The following TTC13 variants were observed in gnomAD, a reference collection of about 807,000 sequenced individuals.
TTC13 encodes the protein tetratricopeptide repeat domain 13.
In TTC13, 62 loss-of-function variants were observed where a neutral mutation model predicts 120.0. That is an observed-to-expected ratio of 0.52 (90% CI 0.42 to 0.64). TTC13 has a LOEUF of 0.64. Ranked by LOEUF, TTC13 falls within the 30% of genes least tolerant of loss-of-function variation. The probability of loss-of-function intolerance (pLI) is 0.00; values close to 1 mark genes in which losing one functional copy is unlikely to be tolerated. For missense variants in TTC13, 824 were observed against 1,050.2 expected (o/e 0.78, Z 2.98); for synonymous variants, 384 against 393.5 (o/e 0.98, Z 0.28).
chr1:230,958,332 T>C (rs1371244941), intron 2 of TTC13, 33 bp from the exon 3 acceptor site: 1 of 1,564,268 alleles, frequency 6.4e-7, no homozygotes, highest in Non-Finnish European at 8.6e-7. Flanking sequence ...CCATACATTT[T>C]AGCTATCACA....
In TTC13 at chr1:230,944,942, A is replaced by T. The variant is rs1212045858; in HGVS notation, c.579+447T>A. On this transcript the variant is annotated intron_variant, in intron 5 of 22. Transcript: ENST00000366661. This position sits in a 1 kb window ranked among gnomAD's most constrained non-coding sequence, Gnocchi z 4.0. ...TTCTCCAGCCTTCCTCAGAGAAATA[A>T]GGGGAATAATTTGATTACAGCTACA... Among the ~76,000 whole-genome samples the T allele has an allele frequency of 6.6e-6, 1 of 152,224 alleles. No individual in the cohort carries two copies. The highest frequency in any genetic ancestry group is 1.9e-4 in the East Asian group (1 of 5,204).
intron 1 of TTC13, among the ~76,000 whole-genome samples, chr1:230,968,303 C>CAGAT (rs1221699173): frequency 4.0e-5 from 2 of 50,478 alleles, no homozygotes; most frequent in Non-Finnish European, 7.7e-5. Flanking sequence ...TGCACACTGA[C>CAGAT]CTCCAGAACT....
At chr1:230,919,262 CAA>C (rs928916505) in intron 17 of TTC13, among the ~76,000 whole-genome samples, 9 of 134,794 alleles carry the variant, frequency 6.7e-5, no homozygotes, top group Admixed American at 7.5e-5. Flanking sequence ...GACCCTGTCT[CAA>C]AAAAAAAAAA....
Position 230,931,409 on chromosome 1 carries a change from C to T in TTC13, c.1189G>A (p.Ala397Thr). ...ATCCCTTCATAAAACTGTCCCATGG[C>T]AACATGGCTGAGCCCTTTCATATAC... ...CQYMKGLSHV[A>T]MGQFYEGIKA... Residue 397 changes from alanine (A) to threonine (T), a missense_variant, in exon 11 of 23, where the codon GCC becomes ACC. Physicochemically the swap from Ala to Thr is moderately conservative, Grantham distance 58. Coordinates refer to ENST00000366661, the MANE Select transcript of TTC13 (RefSeq NM_024525.5). The T allele has an allele frequency of 6.2e-7, 1 of 1,614,206 alleles. No individual in the cohort carries two copies. The highest frequency in any genetic ancestry group is 8.5e-7 in the Non-Finnish European group (1 of 1,180,036).
rs779631485 is a variant in TTC13 at position 230,931,329 on chromosome 1, G to A, written c.1269C>T (p.Ser423=). Residue 423 remains serine, a synonymous_variant, in exon 11 of 23, where the codon AGC becomes AGT. Coordinates refer to ENST00000366661, the MANE Select transcript of TTC13 (RefSeq NM_024525.5). ...LNDPLPGQKA[S]PEYLKVKYLR... ...GATACTTTACTTTAAGATACTCAGG[G>A]CTAGCCTTCTGGCCTGGGAGAGGAT... is the stretch of plus-strand genomic sequence containing the variant. 4 of 1,613,954 alleles carry A rather than the reference G, an allele frequency of 2.5e-6. No homozygotes were observed. In the African/African-American group the frequency reaches 4.0e-5, roughly 16 times the overall value.
intron 4 of TTC13, among the ~76,000 whole-genome samples, chr1:230,953,373 C>T (rs1434367120): frequency 5.3e-5 from 8 of 152,148 alleles, no homozygotes; most frequent in African/African-American, 1.9e-4. Context: ...ATTAAGTCTG[C>T]CTGCTAGACT....
rs1558196785 is a variant in TTC13, at chr1:230,942,590, A to T, written c.672+1216T>A. 6.6e-6 allele frequency among the ~76,000 whole-genome samples: 1 copy of T among 152,176 alleles called. No homozygotes were observed. The highest frequency in any genetic ancestry group is 2.4e-5 in the African/African-American group (1 of 41,438). On this transcript the variant is annotated intron_variant, in intron 6 of 22. Transcript: ENST00000366661. This position sits in a 1 kb window ranked among gnomAD's most constrained non-coding sequence, Gnocchi z 4.0. Reference sequence around the variant, plus strand: ...CTTCCAAAAGAGAAAATAAAAAGTAATTTTTTCTTTAGTTCAACTATGAGA... The same window carrying T: ...CTTCCAAAAGAGAAAATAAAAAGTATTTTTTTCTTTAGTTCAACTATGAGA...
chr1:230,951,989 C>T (rs1176281022), intron 4 of TTC13, among the ~76,000 whole-genome samples: 3 of 152,172 alleles, frequency 2.0e-5, no homozygotes, highest in African/African-American at 7.2e-5. Context: ...AGACTGCGTG[C>T]ATCAATTTCA....
rs978437797 is a variant in TTC13, at chr1:230,921,009, T to C, written c.1898+412A>G. On this transcript the variant is annotated intron_variant, in intron 16 of 22. Transcript: ENST00000366661. ...AAATGAAAGTATTCTGCTAGGTTTT[T>C]CCACCGATTTTATATTTACTTGGTG... is the stretch of plus-strand genomic sequence containing the variant. Among the ~76,000 whole-genome samples the C allele has an allele frequency of 1.1e-4, 16 of 152,252 alleles. 1 individual carries two copies. Among genetic ancestry groups the C allele is most frequent in the African/African-American group, 3.9e-4 (16 of 41,472 alleles).
chr1:230,913,713 C>G (rs1023836955), intron 18 of TTC13, among the ~76,000 whole-genome samples: 3 of 152,202 alleles, frequency 2.0e-5, no homozygotes, highest in African/African-American at 7.2e-5. Context: ...AAAAAGGAAT[C>G]TAATTTGGAC....
chr1:230,924,821 T>G lies in TTC13; in HGVS notation c.1721+20A>C. ...ACAATGATAAGACTTATAGTTTATT[T>G]TCACTGAGATGTTAGTTACCTTCTC... On this transcript the variant is annotated intron_variant, in intron 14 of 22. Transcript: ENST00000366661. 6.2e-7 allele frequency: 1 copy of G among 1,614,020 alleles called. No homozygotes were observed. Among genetic ancestry groups the G allele is most frequent in the East Asian group, 2.2e-5 (1 of 44,882 alleles).
Position 230,978,612 on chromosome 1 carries a change from G to A in TTC13, c.219C>T (p.Gly73=), listed in dbSNP as rs1678632132. The part of the protein sequence containing the change: ...QQQEAPAGGG[G]CSPQSGDWGD... ...CCCAGTCCCCGGACTGCGGGCTGCA[G>A]CCGCCGCCGCCCGCCGGGGCCTCCT... Residue 73 remains glycine (G), a synonymous_variant, in exon 1 of 23, where the codon GGC becomes GGT. Coordinates refer to ENST00000366661, the MANE Select transcript of TTC13 (RefSeq NM_024525.5). The surrounding 1 kb of genome is among the most constrained non-coding windows in gnomAD (Gnocchi z 5.6). 1.2e-5 allele frequency: 17 copies of A among 1,445,194 alleles called. No homozygotes were observed. The highest frequency in any genetic ancestry group is 1.5e-5 in the African/African-American group (1 of 67,458). 89.5% of individuals were successfully genotyped at this position (1,445,194 alleles called of 1,614,324 possible).
intron 2 of TTC13, 126 bp downstream of exon 2, chr1:230,961,083 C>G (rs1676590731): frequency 1.5e-6 from 1 of 645,334 alleles, no homozygotes; most frequent in African/African-American, 1.8e-5. Context: ...GACGACCTAT[C>G]TTTATCCTAT....
At chr1:230,970,687 G>A (rs1377182143) in intron 1 of TTC13, among the ~76,000 whole-genome samples, 2 of 152,204 alleles carry the variant, frequency 1.3e-5, no homozygotes, top group Non-Finnish European at 2.9e-5. Context: ...ATTGGCAGTA[G>A]CATGTATTTC....
At chr1:230,914,509 C>T (rs1671829950) in intron 18 of TTC13, among the ~76,000 whole-genome samples, 1 of 152,130 alleles carries the variant, frequency 6.6e-6, no homozygotes, top group Non-Finnish European at 1.5e-5. Context: ...ATTCTCCTGC[C>T]TCAGCCTCCA....
At position 230,944,332 on chromosome 1, in the gene TTC13, C is replaced by A. The variant is rs1050436509; in HGVS notation, c.580-434G>T. 6.6e-6 allele frequency among the ~76,000 whole-genome samples: 1 copy of A among 152,172 alleles called. No homozygotes were observed. Among genetic ancestry groups the A allele is most frequent in the Non-Finnish European group, 1.5e-5 (1 of 68,018 alleles). On this transcript the variant is annotated intron_variant, in intron 5 of 22. Transcript: ENST00000366661. This position sits in a 1 kb window ranked among gnomAD's most constrained non-coding sequence, Gnocchi z 4.0. ...ATCTATACCTTAAGAAGTTTAGGTA[C>A]ATTCTCTTTAACATTTGCACATTAT...
At chr1:230,952,438 A>G (rs1177708577) in intron 4 of TTC13, among the ~76,000 whole-genome samples, 1 of 152,168 alleles carries the variant, frequency 6.6e-6, no homozygotes, top group Non-Finnish European at 1.5e-5. Flanking sequence ...TCTGCATCTG[A>G]ACTTTCCACT....
intron 4 of TTC13, among the ~76,000 whole-genome samples, chr1:230,949,753 C>G (rs12044047): frequency 6.6e-6 from 1 of 152,200 alleles, no homozygotes. Context: ...TCACGCCATT[C>G]TCCCGCCTCA....
chr1:230,950,916 A>G (rs1675510680), intron 4 of TTC13, among the ~76,000 whole-genome samples: 1 of 152,252 alleles, frequency 6.6e-6, no homozygotes. Flanking sequence ...TTACTGATGC[A>G]CTGACACACA....
Sources: allele counts gnomAD v4.1 joint callset (sites outside exome capture counted in the v4.1 genomes callset), GRCh38; gene constraint gnomAD v4.1.1; non-coding constraint Gnocchi (gnomAD v3.1); transcripts MANE v1.5; gene names NCBI Gene and HGNC (gene_info 2026-07-23, HGNC 2026-07-21).